Variants in SLIT3 observed in about 807,000 individuals in gnomAD.
SLIT3 encodes the protein slit homolog 3 protein.
Under a neutral mutation model 184.0 loss-of-function variants are expected in SLIT3, and 68 were observed. That is an observed-to-expected ratio of 0.37 (90% CI 0.30 to 0.45). The LOEUF (loss-of-function observed/expected upper bound fraction) is 0.45, where lower values mean the gene tolerates loss of function less well. SLIT3 is among the 20% of genes least tolerant of loss of function. The probability of loss-of-function intolerance (pLI) is 1.00; values close to 1 mark genes in which losing one functional copy is unlikely to be tolerated. For missense variants in SLIT3, 1,707 were observed against 2,026.0 expected, an observed-to-expected ratio of 0.84 and a Z score of 3.02; for synonymous variants, 831 against 828.6, an observed-to-expected ratio of 1.00 and a Z score of -0.05.
At chr5:168,786,056 C>T (rs1756141733) in intron 11 of SLIT3, 78 bp from the exon 12 acceptor site, 7 of 971,316 alleles carry the variant, frequency 7.2e-6, no homozygotes, top group Non-Finnish European at 1.2e-5. Flanking sequence ...AAGCCATCAC[C>T]TCGGCCAGTT....
chr5:169,129,471 G>C (rs749294878), intron 4 of SLIT3, among the ~76,000 whole-genome samples: 1 of 152,108 alleles, frequency 6.6e-6, no homozygotes, highest in Non-Finnish European at 1.5e-5. Context: ...AGAATCTCTT[G>C]AACCCGGGAG....
chr5:168,853,458 C>T (rs1758748458), intron 5 of SLIT3, among the ~76,000 whole-genome samples: 1 of 152,184 alleles, frequency 6.6e-6, no homozygotes, highest in Admixed American at 6.5e-5. Context: ...TCTTAACATT[C>T]CGTAAGCTGT....
At chr5:169,255,240 AAAAAAT>A (rs1345223482) in intron 1 of SLIT3, among the ~76,000 whole-genome samples, 31 of 152,310 alleles carry the variant, frequency 2.0e-4, no homozygotes, top group Admixed American at 1.6e-3. Flanking sequence ...TACTTATTTT[AAAAAAT>A]AGTTAATGGT....
intron 8 of SLIT3, among the ~76,000 whole-genome samples, chr5:168,807,734 G>T (rs779199269): frequency 7.2e-5 from 11 of 152,126 alleles, no homozygotes; most frequent in African/African-American, 1.9e-4. Context: ...CATGAAAAAA[G>T]TCTGCAGGGA....
intron 4 of SLIT3, among the ~76,000 whole-genome samples, chr5:168,897,658 A>G (rs1403944543): frequency 6.8e-5 from 8 of 117,594 alleles, no homozygotes; most frequent in East Asian, 2.2e-4. Flanking sequence ...ACACACACAC[A>G]CACACACACA....
At chr5:168,802,388 C>T (rs956728024) in intron 9 of SLIT3, among the ~76,000 whole-genome samples, 2 of 152,106 alleles carry the variant, frequency 1.3e-5, no homozygotes, top group Admixed American at 1.3e-4. Flanking sequence ...TGTCACCTCT[C>T]GAACTGCCCT....
chr5:169,277,029 C>T (rs1440369878), intron 1 of SLIT3, among the ~76,000 whole-genome samples: 2 of 152,152 alleles, frequency 1.3e-5, no homozygotes, highest in African/African-American at 2.4e-5. Flanking sequence ...TTCATTGCCC[C>T]AAACAGGAAC....
chr5:168,864,878 T>C (rs754306071), intron 5 of SLIT3, among the ~76,000 whole-genome samples: 1 of 152,056 alleles, frequency 6.6e-6, no homozygotes, highest in African/African-American at 2.4e-5. Flanking sequence ...GTAGCAATAT[T>C]AGAAAATGGA....
chr5:169,031,287 TG>T (rs992548605), intron 4 of SLIT3, among the ~76,000 whole-genome samples: 22 of 152,162 alleles, frequency 1.4e-4, no homozygotes, highest in Non-Finnish European at 8.8e-5. Flanking sequence ...AAATATTTGT[TG>T]AGTTACTATG....
intron 4 of SLIT3, among the ~76,000 whole-genome samples, chr5:169,104,918 G>T (rs11746318): frequency 0.017 from 2,540 of 152,258 alleles, 39 homozygotes; most frequent in East Asian, 0.035. Context: ...TCTTTCCAGG[G>T]TATGGCATTT....
intron 5 of SLIT3, among the ~76,000 whole-genome samples, chr5:168,850,937 T>C (rs1479637888): frequency 6.6e-6 from 1 of 152,216 alleles, no homozygotes; most frequent in African/African-American, 2.4e-5. Flanking sequence ...ATAACTCCAC[T>C]TCTGTGTTTA....
chr5:168,677,180 C>A (rs1582518156), intron 32 of SLIT3, among the ~76,000 whole-genome samples: 1 of 152,296 alleles, frequency 6.6e-6, no homozygotes, highest in African/African-American at 2.4e-5. Flanking sequence ...ACTGGGCCTG[C>A]CAGCTGAGGG....
intron 35 of SLIT3, 123 bp from the exon 36 acceptor site, chr5:168,666,812 T>C (rs533218118): frequency 6.8e-7 from 1 of 1,472,844 alleles, no homozygotes; most frequent in South Asian, 1.2e-5. Context: ...TATTCACTCA[T>C]CCATCTGCCT....
intron 20 of SLIT3, among the ~76,000 whole-genome samples, chr5:168,731,340 T>G (rs1178505864): frequency 5.9e-5 from 9 of 151,608 alleles, no homozygotes; most frequent in African/African-American, 2.2e-4. Context: ...GGACCATAAA[T>G]CCAAAGATGA....
chr5:168,968,398 G>A (rs1763288758), intron 4 of SLIT3, among the ~76,000 whole-genome samples: 1 of 152,164 alleles, frequency 6.6e-6, no homozygotes, highest in Non-Finnish European at 1.5e-5. Flanking sequence ...GCAGAGAGAC[G>A]AATCCCATCC....
intron 9 of SLIT3, among the ~76,000 whole-genome samples, chr5:168,797,024 G>A (rs547304289): frequency 4.0e-5 from 6 of 151,834 alleles, no homozygotes; most frequent in Non-Finnish European, 5.9e-5. Context: ...AGACTGCCAC[G>A]ATCTATTAAC....
At chr5:169,174,744 A>G (rs889485073) in intron 4 of SLIT3, among the ~76,000 whole-genome samples, 1 of 152,118 alleles carries the variant, frequency 6.6e-6, no homozygotes, top group Non-Finnish European at 1.5e-5. Context: ...GAGATATCTG[A>G]GCCAAGAGCT....
chr5:169,174,552 C>A (rs1211310096), intron 4 of SLIT3, among the ~76,000 whole-genome samples: 1 of 152,152 alleles, frequency 6.6e-6, no homozygotes, highest in South Asian at 2.1e-4. Flanking sequence ...CCCTTGACGT[C>A]AAATGGGATA....
intron 4 of SLIT3, among the ~76,000 whole-genome samples, chr5:169,081,591 A>T (rs1759060195): frequency 6.6e-6 from 1 of 151,974 alleles, no homozygotes; most frequent in Non-Finnish European, 1.5e-5. Context: ...GGAGAAGGGG[A>T]TGCTAGGCTG....
Sources: allele counts gnomAD v4.1 joint callset (sites outside exome capture counted in the v4.1 genomes callset), GRCh38; gene constraint gnomAD v4.1.1; transcripts MANE v1.5; gene names NCBI Gene and HGNC (gene_info 2026-07-23, HGNC 2026-07-21).